The following PKN3 variants were observed in gnomAD, a reference collection of about 807,000 sequenced individuals.
The protein encoded by PKN3 is protein kinase N3.
PKN3 carries 91 observed loss-of-function variants against 113.1 expected under a neutral mutation model. The ratio of observed to expected loss-of-function variants is 0.80; its 90% CI spans 0.68 to 0.96. The LOEUF (loss-of-function observed/expected upper bound fraction) is 0.96, where lower values mean the gene tolerates loss of function less well. Ranked by LOEUF, PKN3 falls within the 40% of genes least tolerant of loss-of-function variation. The pLI, the probability that PKN3 is intolerant of heterozygous loss-of-function variation, is 0.00. For missense variants in PKN3, 1,052 were observed against 1,202.2 expected (o/e 0.88, Z 1.85); for synonymous variants, 467 against 499.0 (o/e 0.94, Z 0.85).
chr9:128,703,543 G>C, intron 1 of PKN3: 1 of 985,416 alleles, frequency 1.0e-6, no homozygotes, highest in Non-Finnish European at 1.2e-6. Flanking sequence ...GCGTGGGCCC[G>C]GAGGACCGAG....
At chr9:128,719,864 G>C (rs1319824001) in intron 19 of PKN3, 36 bp downstream of exon 19, 2 of 1,603,702 alleles carry the variant, frequency 1.2e-6, no homozygotes, top group African/African-American at 2.7e-5. Context: ...GCCTCTGGGT[G>C]GGGGTGGGGT....
Position 128,707,266 on chromosome 9 carries a change from G to T in PKN3, c.696G>T (p.Leu232=). Reference sequence around the variant, plus strand: ...AGTCCTCTCAGAAACTGGACCTCCTGCGCCTGGCCTTGGAGCAGCTGCTGG... The same window carrying T: ...AGTCCTCTCAGAAACTGGACCTCCTTCGCCTGGCCTTGGAGCAGCTGCTGG... ...LQESSQKLDL[L]RLALEQLLEQ... Residue 232 remains leucine (L), a synonymous_variant, in exon 6 of 22, where the codon CTG becomes CTT. Coordinates refer to ENST00000291906, the MANE Select transcript of PKN3 (RefSeq NM_013355.5). The T allele has an allele frequency of 6.2e-7, 1 of 1,612,880 alleles. No individual in the cohort carries two copies. The highest frequency in any genetic ancestry group is 8.5e-7 in the Non-Finnish European group (1 of 1,179,182).
At chr9:128,703,582 G>T (rs1207590808) in intron 1 of PKN3, 1 of 985,362 alleles carries the variant, frequency 1.0e-6, no homozygotes, top group Non-Finnish European at 1.2e-6. Flanking sequence ...TGAGGAGGGA[G>T]AGGTGGTGTC....
At position 128,718,629 on chromosome 9, in the gene PKN3, G is replaced by A. The variant is rs1862416699; in HGVS notation, c.2125+4G>A. ...GACTTTGGACTCTGCAAGGAAGGTG[G>A]GGGCCGCCCATTGGGATCCATATCT... is the stretch of plus-strand genomic sequence containing the variant. On this transcript the variant is annotated splice_donor_region_variant and intron_variant, in intron 18 of 21. Coordinates refer to ENST00000291906, the MANE Select transcript of PKN3 (RefSeq NM_013355.5). 1 of 1,613,844 alleles carries A rather than the reference G, an allele frequency of 6.2e-7. No homozygotes were observed. The highest frequency in any genetic ancestry group is 2.2e-5 in the East Asian group (1 of 44,876).
In PKN3 at chr9:128,713,680, TG is replaced by T. The variant is rs772064707; in HGVS notation, c.1236+42del. 2.5e-6 allele frequency: 4 copies of T among 1,606,808 alleles called. No individual in the cohort carries two copies. The South Asian group carries it at 3.3e-5, about 13-fold the overall frequency. ...TCCGCCCTCTGACTTGGTGGGACCC[TG>T]GGGCGTCAGGGCCAGGAAGGCCTTC... is the stretch of plus-strand genomic sequence containing the variant. On this transcript the variant is annotated intron_variant, in intron 9 of 21. Coordinates refer to ENST00000291906, the MANE Select transcript of PKN3 (RefSeq NM_013355.5).
chr9:128,720,639 C>G lies in PKN3; in HGVS notation c.*33C>G, dbSNP rs373307437. 2.5e-6 allele frequency: 4 copies of G among 1,576,398 alleles called. No homozygotes were observed. The highest frequency in any genetic ancestry group is 3.4e-5 in the Admixed American group (2 of 58,400). The stretch of plus-strand genomic sequence containing the variant: ...TCCTGGCACCTCTGTCCCCTTCCCC[C>G]ACAGACTGTTAGAGCCTCTGCTCGT... On this transcript the variant is annotated 3_prime_UTR_variant, in exon 22 of 22. Transcript: ENST00000291906. This position sits in a 1 kb window ranked among gnomAD's most constrained non-coding sequence, Gnocchi z 5.5.
At position 128,714,644 on chromosome 9, in the gene PKN3, C is replaced by T. The variant is rs768574963; in HGVS notation, c.1564C>T (p.Pro522Ser). Residue 522 changes from proline (P) to serine (S), a missense_variant, in exon 12 of 22, where the codon CCA becomes TCA. Coordinates refer to ENST00000291906, the MANE Select transcript of PKN3 (RefSeq NM_013355.5). ...CCCACGCCTCTACCTCCCCCAGGAG[C>T]CAACATCCGAGGAGACTCCGGTGAG... is the stretch of plus-strand genomic sequence containing the variant. ...KPPRLYLPQEPTSEETPRTKR... is the reference protein window; with the variant it reads ...KPPRLYLPQESTSEETPRTKR... The T allele has an allele frequency of 1.4e-6, 2 of 1,432,350 alleles. No individual in the cohort carries two copies. Among genetic ancestry groups the T allele is most frequent in the African/African-American group, 1.4e-5 (1 of 71,554 alleles). 88.7% of individuals were successfully genotyped at this position (1,432,350 alleles called of 1,614,324 possible).
At chr9:128,711,166 T>G (rs1445147510) in intron 6 of PKN3, among the ~76,000 whole-genome samples, 1 of 151,636 alleles carries the variant, frequency 6.6e-6, no homozygotes, top group Admixed American at 6.6e-5. Flanking sequence ...CCACCACACC[T>G]GGCGAATTTT....
At position 128,714,314 on chromosome 9, in the gene PKN3, GC is replaced by G. The variant is rs1312801618; in HGVS notation, c.1433del (p.Pro478LeufsTer30). 1 of 1,612,500 alleles carries G rather than the reference GC, an allele frequency of 6.2e-7. No homozygotes were observed. The highest frequency in any genetic ancestry group is 1.7e-5 in the Admixed American group (1 of 59,728). Reference sequence around the variant, plus strand: ...AGCACAATCAGCCCCCCTAAAGGATGCCCTCGGACCCCAACAACACTGCGAG... The same window carrying G: ...AGCACAATCAGCCCCCCTAAAGGATGCCTCGGACCCCAACAACACTGCGAG... ...SPSTISPPKG[C>X]PRTPTTLREA... On this transcript the variant is annotated frameshift_variant, in exon 11 of 22. Transcript: ENST00000291906. LOFTEE classifies it high-confidence loss of function.
chr9:128,707,216 C>T lies in PKN3; in HGVS notation c.652-6C>T, dbSNP rs776558434. The T allele has an allele frequency of 1.9e-6, 3 of 1,600,628 alleles. No homozygotes were observed. Among genetic ancestry groups the T allele is most frequent in the Non-Finnish European group, 2.6e-6 (3 of 1,170,422 alleles). On this transcript the variant is annotated splice_region_variant and splice_polypyrimidine_tract_variant and intron_variant, in intron 5 of 21. Transcript: ENST00000291906. ...CGAACCTGGCTCTACGTTGTCCCCT[C>T]TGCAGGCCCAGGCCCAGCTACAGGA...
rs764302820 is a variant in PKN3 at position 128,720,290 on chromosome 9, G to A, written c.2457+7G>A. On this transcript the variant is annotated splice_region_variant and intron_variant, in intron 21 of 21. Transcript: ENST00000291906. This position sits in a 1 kb window ranked among gnomAD's most constrained non-coding sequence, Gnocchi z 5.5. ...GGTCCAGCCATTCTTCAGGGTGAGCGGCTGGGGTGGCGGTGGTCCCCTGTG... is the reference window on the plus strand; with the variant it reads ...GGTCCAGCCATTCTTCAGGGTGAGCAGCTGGGGTGGCGGTGGTCCCCTGTG... 3.7e-6 allele frequency: 6 copies of A among 1,613,704 alleles called. No homozygotes were observed. Among genetic ancestry groups the A allele is most frequent in the African/African-American group, 1.3e-5 (1 of 74,930 alleles).
chr9:128,703,815 C>A (rs1037104684), intron 1 of PKN3: 1 of 985,422 alleles, frequency 1.0e-6, no homozygotes, highest in Non-Finnish European at 1.2e-6. Context: ...CCACCCCCTT[C>A]CTCTGGAGGT....
chr9:128,709,771 C>T, intron 6 of PKN3: 1 of 147,684 alleles, frequency 6.8e-6, no homozygotes, highest in Non-Finnish European at 1.5e-5. Flanking sequence ...AAAAAATTTG[C>T]AAAAATTAGC....
chr9:128,717,759 C>G (rs1862387565), intron 16 of PKN3, among the ~76,000 whole-genome samples: 1 of 146,456 alleles, frequency 6.8e-6, no homozygotes, highest in Non-Finnish European at 1.5e-5. Context: ...TTGGTTCATG[C>G]CTGTAATCCC....
chr9:128,704,030 C>G (rs1861934672), intron 1 of PKN3: 3 of 982,576 alleles, frequency 3.1e-6, no homozygotes, highest in Non-Finnish European at 3.6e-6. Flanking sequence ...CCTCTGACAG[C>G]TGGGCCAGCA....
At chr9:128,705,573 C>G in intron 2 of PKN3, 30 bp downstream of exon 2, 2 of 1,550,794 alleles carry the variant, frequency 1.3e-6, no homozygotes, top group Middle Eastern at 1.8e-4. Context: ...CCCCTCAGGA[C>G]AGAAGGCTCT....
chr9:128,705,508 G>A lies in PKN3; in HGVS notation c.230G>A (p.Arg77Gln), dbSNP rs767476875. 35 of 1,558,050 alleles carry A rather than the reference G, an allele frequency of 2.2e-5. No homozygotes were observed. The highest frequency in any genetic ancestry group is 2.8e-5 in the Non-Finnish European group (32 of 1,151,864). Reference sequence around the variant, plus strand: ...GGCGAGCTGCGGGAGCTGCACGCCCGAATCCTGCTGCCCGGCCCTGGGCCT... The same window carrying A: ...GGCGAGCTGCGGGAGCTGCACGCCCAAATCCTGCTGCCCGGCCCTGGGCCT... ...LHGELRELHA[R>Q]ILLPGPGPGP... The change falls in exon 2 of 22, where the codon CGA becomes CAA. Residue 77 changes from arginine (R) to glutamine (Q), a missense_variant. By Grantham distance (43) the Arg-to-Gln change is conservative. This residue lies in a region of PKN3 where 719 missense variants were observed against 759.4 expected (regional missense o/e 0.95). Transcript: ENST00000291906.
At chr9:128,714,398 C>T (rs759120280) in intron 11 of PKN3, 33 bp downstream of exon 11, 14 of 1,571,252 alleles carry the variant, frequency 8.9e-6, no homozygotes, top group Admixed American at 3.5e-5. Flanking sequence ...ACTGCATGCT[C>T]CTCTGTGGCG....
chr9:128,704,255 T>C (rs1480713974), intron 1 of PKN3: 1 of 632,274 alleles, frequency 1.6e-6, no homozygotes, highest in Non-Finnish European at 2.0e-6. Context: ...TGTTCCTGGC[T>C]CCAACCTGGG....
Sources: gnomAD v4.1 joint callset for allele counts (sites outside exome capture counted in the v4.1 genomes callset) on GRCh38, gnomAD v4.1.1 for gene constraint, gnomAD v4.1.1 regional missense constraint, Gnocchi (gnomAD v3.1) non-coding constraint, MANE v1.5 for transcripts, NCBI Gene and HGNC (gene_info 2026-07-23, HGNC 2026-07-21) for gene names.